The following DEPDC4 variants were observed in gnomAD, a reference collection of about 807,000 sequenced individuals.
DEPDC4 encodes DEP domain containing 4.
Under a neutral mutation model 52.0 loss-of-function variants are expected in DEPDC4, and 52 were observed. The observed-to-expected ratio is 1.00, with a 90% CI of 0.80 to 1.26. The LOEUF (loss-of-function observed/expected upper bound fraction) is 1.26. DEPDC4 is among the 50% of genes most tolerant of loss of function. The pLI is 0.00. For missense variants in DEPDC4, 530 were observed against 546.9 expected (o/e 0.97, Z 0.31); for synonymous variants, 201 against 196.8 (o/e 1.02, Z -0.18).
At position 100,263,533 on chromosome 12, in the gene DEPDC4, T is replaced by G. The variant is rs2096261207; in HGVS notation, c.518A>C (p.Gln173Pro). ...NKSSYDCCKRQKDAENEFNET... is the reference protein window; with the variant it reads ...NKSSYDCCKRPKDAENEFNET... ...ATTGAACTCATTCTCAGCATCCTTT[T>G]GTCTTTTGCAACAATCGTAAGATGA... The change falls in exon 2 of 10, where the codon CAA becomes CCA. Residue 173 changes from glutamine (Q) to proline (P), a missense_variant. Transcript: ENST00000550587. The G allele has an allele frequency of 1.2e-6, 2 of 1,602,958 alleles. No homozygotes were observed.
chr12:100,276,698 T>G, the DEPDC4 span, among the ~76,000 whole-genome samples: 1 of 152,126 alleles, frequency 6.6e-6, no homozygotes, highest in African/African-American at 2.4e-5. Context: ...TTCAAAACTT[T>G]TTTTTTACTT....
chr12:100,267,597 G>T (rs1295816385), upstream of DEPDC4: 1 of 152,598 alleles, frequency 6.6e-6, no homozygotes, highest in East Asian at 1.9e-4. Flanking sequence ...GCGCAAAGCG[G>T]GGCTGGACGA....
At chr12:100,260,708 T>C (rs1247020484) in intron 3 of DEPDC4, among the ~76,000 whole-genome samples, 1 of 143,480 alleles carries the variant, frequency 7.0e-6, no homozygotes, top group Non-Finnish European at 1.5e-5. Context: ...AAACCTCATC[T>C]CTACTAATAA....
chr12:100,239,530 C>G (rs551891934), downstream of DEPDC4, among the ~76,000 whole-genome samples: 1 of 152,132 alleles, frequency 6.6e-6, no homozygotes, highest in Non-Finnish European at 1.5e-5. Context: ...GTACACCACA[C>G]TCTGCCCAGC....
At chr12:100,273,392 G>C in the DEPDC4 span, among the ~76,000 whole-genome samples, 15 of 152,162 alleles carry the variant, frequency 9.9e-5, no homozygotes, top group African/African-American at 3.6e-4. Flanking sequence ...TTATCACTCT[G>C]TAGGCTAGTG....
chr12:100,249,726 T>C (rs751173012), intron 7 of DEPDC4, among the ~76,000 whole-genome samples: 5 of 152,178 alleles, frequency 3.3e-5, no homozygotes, highest in Non-Finnish European at 7.3e-5. Context: ...TTTCCAGCCA[T>C]GATGCTGCCC....
Position 100,241,782 on chromosome 12 carries a change from T to TCG in DEPDC4, c.*109_*110insCG. ...CTCAAGAGCCAACTGGTGTAGATAC[T>TCG]GAATTGTCCTTCCCTTCTGCTTTTC... On this transcript the variant is annotated 3_prime_UTR_variant, in exon 10 of 10. Transcript: ENST00000550587. 7.9e-7 allele frequency: 1 copy of TCG among 1,269,248 alleles called. No individual in the cohort carries two copies. Among genetic ancestry groups the TCG allele is most frequent in the Non-Finnish European group, 1.0e-6 (1 of 979,076 alleles). 78.6% of individuals were successfully genotyped at this position (1,269,248 alleles called of 1,614,324 possible). A position where few individuals can be genotyped will look rare whatever the true frequency, so the allele number is the denominator to read the frequency against.
chr12:100,280,475 A>G, the DEPDC4 span, among the ~76,000 whole-genome samples: 3 of 152,176 alleles, frequency 2.0e-5, no homozygotes, highest in African/African-American at 4.8e-5. Flanking sequence ...GTATTCCCTG[A>G]AAAGTCTTCA....
chr12:100,265,457 A>G (rs1173639198), intron 1 of DEPDC4, among the ~76,000 whole-genome samples: 1 of 151,978 alleles, frequency 6.6e-6, no homozygotes, highest in Non-Finnish European at 1.5e-5. Flanking sequence ...TTAGCTGGGC[A>G]TGGTGTCGCA....
At chr12:100,281,605 G>A in the DEPDC4 span, among the ~76,000 whole-genome samples, 7 of 152,040 alleles carry the variant, frequency 4.6e-5, no homozygotes, top group Non-Finnish European at 7.4e-5. Context: ...AGTCTGAGGC[G>A]GGCAGATCAC....
chr12:100,247,270 A>G (rs77554249), intron 8 of DEPDC4, among the ~76,000 whole-genome samples: 1,396 of 127,828 alleles, frequency 0.011, 17 homozygotes, highest in Non-Finnish European at 0.016. Context: ...GTGCAGTGGC[A>G]TGATCTTGGC....
chr12:100,273,950 T>C, the DEPDC4 span, among the ~76,000 whole-genome samples: 33 of 152,346 alleles, frequency 2.2e-4, no homozygotes, highest in African/African-American at 7.9e-4. Context: ...ATGTATGGTT[T>C]TAAATAGAAT....
chr12:100,241,857 A>C lies in DEPDC4; in HGVS notation c.*47-12T>G, dbSNP rs1270079130. Reference sequence around the variant, plus strand: ...GCAAAACGTAAAGCCTGGAAAAAAAAAAAAAAAACAAAAGAAAAAGAAAAG... The same window carrying C: ...GCAAAACGTAAAGCCTGGAAAAAAACAAAAAAAACAAAAGAAAAAGAAAAG... On this transcript the variant is annotated splice_polypyrimidine_tract_variant and intron_variant, in intron 9 of 9. Coordinates refer to ENST00000550587, the MANE Select transcript of DEPDC4 (RefSeq NM_001364818.2). The C allele has an allele frequency of 1.8e-5, 22 of 1,198,814 alleles. No homozygotes were observed. The highest frequency in any genetic ancestry group is 2.2e-5 in the Non-Finnish European group (21 of 950,096). The allele number at this position is 1,198,814 out of a possible 1,614,324, so 74.3% of individuals were successfully genotyped here.
upstream of DEPDC4, among the ~76,000 whole-genome samples, chr12:100,270,234 G>T (rs1382349653): frequency 6.6e-6 from 1 of 152,180 alleles, no homozygotes; most frequent in African/African-American, 2.4e-5. Context: ...TGATCCACCC[G>T]CCTCGGCTTC....
chr12:100,263,923 A>G, intron 1 of DEPDC4, 30 bp from the exon 2 acceptor site: 1 of 1,567,168 alleles, frequency 6.4e-7, no homozygotes, highest in South Asian at 1.2e-5. Context: ...CATTTCTAAC[A>G]AATCTAGATT....
At chr12:100,277,914 A>C in the DEPDC4 span, among the ~76,000 whole-genome samples, 1 of 151,994 alleles carries the variant, frequency 6.6e-6, no homozygotes, top group Non-Finnish European at 1.5e-5. Flanking sequence ...TTGAGGGTCT[A>C]CAGTATATAT....
chr12:100,258,209 A>C (rs2096241769), intron 3 of DEPDC4, among the ~76,000 whole-genome samples: 1 of 152,208 alleles, frequency 6.6e-6, no homozygotes, highest in Non-Finnish European at 1.5e-5. Flanking sequence ...AAAGTAAAAA[A>C]AGAAGAAAAA....
At chr12:100,257,148 G>A (rs564625972) in intron 3 of DEPDC4, among the ~76,000 whole-genome samples, 2 of 151,592 alleles carry the variant, frequency 1.3e-5, no homozygotes, top group African/African-American at 4.9e-5. Context: ...GTGCAATCTC[G>A]GCTCACTGCA....
intron 7 of DEPDC4, among the ~76,000 whole-genome samples, chr12:100,251,352 TA>T (rs144857420): frequency 1.3e-5 from 2 of 151,026 alleles, no homozygotes; most frequent in African/African-American, 2.4e-5. Context: ...ATAGTGAGGC[TA>T]AAAAAAAACT....
Sources: gnomAD v4.1 joint callset for allele counts (sites outside exome capture counted in the v4.1 genomes callset) on GRCh38, gnomAD v4.1.1 for gene constraint, MANE v1.5 for transcripts, NCBI Gene and HGNC (gene_info 2026-07-23, HGNC 2026-07-21) for gene names.